Variants in CHCHD3 observed in about 807,000 individuals in gnomAD.
The protein encoded by CHCHD3 is coiled-coil-helix-coiled-coil-helix domain containing 3.
Under a neutral mutation model 38.2 loss-of-function variants are expected in CHCHD3, and 20 were observed. The observed-to-expected ratio is 0.52, with a 90% CI of 0.37 to 0.76. The LOEUF (loss-of-function observed/expected upper bound fraction) is 0.76. CHCHD3 is among the 30% of genes least tolerant of loss of function. CHCHD3 has a pLI of 0.00. For synonymous variants in CHCHD3, 82 were observed against 100.0 expected (o/e 0.82, Z 1.07); for missense variants, 245 against 279.2 (o/e 0.88, Z 0.87).
intron 6 of CHCHD3, among the ~76,000 whole-genome samples, chr7:132,806,455 G>C (rs543789023): frequency 6.6e-6 from 1 of 152,206 alleles, no homozygotes; most frequent in African/African-American, 2.4e-5. Flanking sequence ...TGCTTTAAAG[G>C]GACACATCTG....
At chr7:132,959,722 CAAA>C (rs376282108) in intron 4 of CHCHD3, among the ~76,000 whole-genome samples, 3 of 44,132 alleles carry the variant, frequency 6.8e-5, no homozygotes, top group Non-Finnish European at 9.6e-5. Context: ...AACTCCGTCT[CAAA>C]AAAAAAAAAA....
chr7:132,975,214 C>T lies in CHCHD3; in HGVS notation c.324G>A (p.Arg108=), dbSNP rs776454066. 3 of 1,612,448 alleles carry T rather than the reference C, an allele frequency of 1.9e-6. No homozygotes were observed. The highest frequency in any genetic ancestry group is 2.7e-5 in the African/African-American group (2 of 74,866). Residue 108 remains arginine, a synonymous_variant, in exon 4 of 8, where the codon CGG becomes CGA. Transcript: ENST00000262570. ...ANEQLTRAIL[R]ERICSEEERA... The stretch of plus-strand genomic sequence containing the variant: ...GTTCCTCCTCGCTACATATCCTCTC[C>T]CGAAGGATGGCTCTGGTTAACTGCT...
At chr7:132,980,640 C>G (rs1811893590) in intron 3 of CHCHD3, among the ~76,000 whole-genome samples, 1 of 152,288 alleles carries the variant, frequency 6.6e-6, no homozygotes, top group East Asian at 1.9e-4. Context: ...AGCAACTTAG[C>G]TCTTTCCTCA....
chr7:133,074,658 T>C (rs1193030868), intron 1 of CHCHD3, among the ~76,000 whole-genome samples: 1 of 152,130 alleles, frequency 6.6e-6, no homozygotes, highest in Non-Finnish European at 1.5e-5. Flanking sequence ...ATGCATGTAA[T>C]AAAAATATCA....
chr7:132,920,842 C>T (rs992265709), intron 4 of CHCHD3, among the ~76,000 whole-genome samples: 19 of 151,078 alleles, frequency 1.3e-4, no homozygotes, highest in Non-Finnish European at 2.5e-4. Context: ...TATCTACAGA[C>T]TGCCTTAAAA....
chr7:133,012,156 G>A (rs1226846273), intron 3 of CHCHD3, among the ~76,000 whole-genome samples: 1 of 152,126 alleles, frequency 6.6e-6, no homozygotes, highest in Non-Finnish European at 1.5e-5. Context: ...AACCTATGTA[G>A]GGCTAAATAA....
At chr7:132,937,241 G>A (rs1810651918) in intron 4 of CHCHD3, among the ~76,000 whole-genome samples, 1 of 152,122 alleles carries the variant, frequency 6.6e-6, no homozygotes, top group Admixed American at 6.5e-5. Flanking sequence ...CTCACAAAAA[G>A]TAGTGAATGA....
In CHCHD3 at chr7:133,082,065, A is replaced by C. The variant is rs1815194747; in HGVS notation, c.-128T>G. ...CAGCGGGAGCAAGGCCACGACCCCC[A>C]GAAGCAAGGAGAAGGCGCCGGTCCT... On this transcript the variant is annotated 5_prime_UTR_variant, in exon 1 of 8. Transcript: ENST00000262570. 1 of 775,688 alleles carries C rather than the reference A, an allele frequency of 1.3e-6. No individual in the cohort carries two copies. The allele number at this position is 775,688 out of a possible 1,614,324, so 48.1% of individuals were successfully genotyped here. A position where few individuals can be genotyped will look rare whatever the true frequency, so the allele number is the denominator to read the frequency against.
At chr7:132,925,523 C>T (rs1045042268) in intron 4 of CHCHD3, among the ~76,000 whole-genome samples, 3 of 152,164 alleles carry the variant, frequency 2.0e-5, no homozygotes, top group South Asian at 2.1e-4. Context: ...ACACGGGACA[C>T]GGGTCCCCAT....
intron 2 of CHCHD3, among the ~76,000 whole-genome samples, chr7:133,036,473 T>A (rs1280115300): frequency 6.6e-6 from 1 of 152,212 alleles, no homozygotes; most frequent in Non-Finnish European, 1.5e-5. Flanking sequence ...TTTACAGTTA[T>A]AACCACTGTG....
In CHCHD3 at chr7:132,940,520, C is replaced by T. The variant is rs1038318917; in HGVS notation, c.369+34649G>A. ...GGCAATTGGATTGAAAGTGGTGGAG[C>T]GGTTCAGGGGTTTGGTTTTGTTGTA... On this transcript the variant is annotated intron_variant, in intron 4 of 7. Transcript: ENST00000262570. Among the ~76,000 whole-genome samples the T allele has an allele frequency of 2.6e-5, 4 of 152,156 alleles. No individual in the cohort carries two copies. The East Asian group carries it at 7.7e-4, about 29-fold the overall frequency.
chr7:133,004,889 A>G, intron 3 of CHCHD3, among the ~76,000 whole-genome samples: 1 of 152,300 alleles, frequency 6.6e-6, no homozygotes, highest in East Asian at 1.9e-4. Context: ...CTGCTGTCAT[A>G]TTTGTAATAA....
intron 4 of CHCHD3, among the ~76,000 whole-genome samples, chr7:132,964,437 C>T (rs574993295): frequency 7.2e-5 from 11 of 152,142 alleles, no homozygotes; most frequent in South Asian, 2.1e-4. Context: ...AAAAATTAGC[C>T]GGGCATGGAG....
At chr7:133,027,822 T>G (rs1362217460) in intron 2 of CHCHD3, among the ~76,000 whole-genome samples, 2 of 151,978 alleles carry the variant, frequency 1.3e-5, no homozygotes, top group Non-Finnish European at 2.9e-5. Context: ...TTTTAAACGA[T>G]CCAAATAAAA....
chr7:132,834,406 C>T (rs962649083), intron 6 of CHCHD3, among the ~76,000 whole-genome samples: 2 of 152,098 alleles, frequency 1.3e-5, no homozygotes, highest in East Asian at 3.8e-4. Context: ...AAAAAACTAG[C>T]TATTAGAATT....
intron 7 of CHCHD3, among the ~76,000 whole-genome samples, chr7:132,791,971 T>C (rs1806471220): frequency 6.6e-6 from 1 of 152,152 alleles, no homozygotes; most frequent in East Asian, 1.9e-4. Context: ...ACGTCCTTAT[T>C]GTGAGCTGAA....
chr7:132,992,945 C>G (rs1303218129), intron 3 of CHCHD3, among the ~76,000 whole-genome samples: 1 of 152,156 alleles, frequency 6.6e-6, no homozygotes, highest in Non-Finnish European at 1.5e-5. Context: ...ATCAATGGTC[C>G]TCTTTTTCAC....
At chr7:133,045,585 CA>C (rs754113235) in intron 2 of CHCHD3, among the ~76,000 whole-genome samples, 11 of 152,108 alleles carry the variant, frequency 7.2e-5, no homozygotes, top group Non-Finnish European at 1.2e-4. Context: ...CATTAAGAAA[CA>C]CAAATAATTT....
chr7:132,826,806 A>G (rs1807520400), intron 6 of CHCHD3, among the ~76,000 whole-genome samples: 1 of 152,240 alleles, frequency 6.6e-6, no homozygotes, highest in African/African-American at 2.4e-5. Flanking sequence ...CAAATGTTTC[A>G]TTCACAAATA....
Sources: allele counts gnomAD v4.1 joint callset (sites outside exome capture counted in the v4.1 genomes callset), GRCh38; gene constraint gnomAD v4.1.1; transcripts MANE v1.5; gene names NCBI Gene and HGNC (gene_info 2026-07-23, HGNC 2026-07-21).